The following FIP1L1 variants were observed in gnomAD, a reference collection of about 807,000 sequenced individuals.
FIP1L1 encodes the protein pre-mRNA 3'-end-processing factor FIP1.
FIP1L1 carries 21 observed loss-of-function variants against 84.6 expected under a neutral mutation model. That is an observed-to-expected ratio of 0.25 (90% CI 0.18 to 0.36). The LOEUF is 0.36. Ranked by LOEUF, FIP1L1 falls within the 10% of genes least tolerant of loss-of-function variation. The pLI is 1.00. For missense variants in FIP1L1, 526 were observed against 751.1 expected, an observed-to-expected ratio of 0.70 and a Z score of 3.50; for synonymous variants, 263 against 242.3, an observed-to-expected ratio of 1.09 and a Z score of -0.80.
intron 16 of FIP1L1, 106 bp downstream of exon 16, chr4:53,453,239 A>C: frequency 1.0e-5 from 13 of 1,303,080 alleles, no homozygotes; most frequent in South Asian, 1.3e-5. Context: ...AGAGATGCTC[A>C]GGGAGTACAT....
intron 15 of FIP1L1, 70 bp downstream of exon 15, chr4:53,444,173 TA>T (rs59279367): frequency 0.6 from 607,918 of 1,008,262 alleles, 190,565 homozygotes; most frequent in Non-Finnish European, 0.65. Flanking sequence ...TTTAAAGCAA[TA>T]AAAACGTGTT....
intron 10 of FIP1L1, among the ~76,000 whole-genome samples, chr4:53,404,178 A>T (rs1346238573): frequency 2.0e-5 from 2 of 98,420 alleles, no homozygotes; most frequent in African/African-American, 4.1e-5. Flanking sequence ...ACCCCACAAC[A>T]GTCCCCAGAG....
At chr4:53,427,011 C>G (rs937960615) in intron 12 of FIP1L1, among the ~76,000 whole-genome samples, 1 of 152,198 alleles carries the variant, frequency 6.6e-6, no homozygotes, top group African/African-American at 2.4e-5. Flanking sequence ...ATAAGTTGAT[C>G]ATGTAAAATA....
intron 8 of FIP1L1, 136 bp from the exon 9 acceptor site, chr4:53,391,294 T>G (rs1483618438): frequency 1.7e-6 from 2 of 1,174,042 alleles, no homozygotes; most frequent in Admixed American, 2.2e-5. Flanking sequence ...TCCCTCCCTT[T>G]TAGAGTTTCG....
At position 53,458,854 on chromosome 4, in the gene FIP1L1, G is replaced by A. The variant is rs576560304; in HGVS notation, c.1637+64G>A. ...AGAGATTTTGACTTACTACATTGTC[G>A]CATTGGAAGAGGGGAAATTTTGGCC... On this transcript the variant is annotated intron_variant, in intron 17 of 17. Transcript: ENST00000337488. The A allele has an allele frequency of 4.3e-5, 66 of 1,531,902 alleles. No individual in the cohort carries two copies. The African/African-American group carries it at 7.0e-4, about 16-fold the overall frequency. 94.9% of individuals were successfully genotyped at this position (1,531,902 alleles called of 1,614,324 possible).
intron 13 of FIP1L1, among the ~76,000 whole-genome samples, chr4:53,438,524 A>T (rs1770485033): frequency 1.3e-5 from 2 of 152,228 alleles, no homozygotes; most frequent in South Asian, 2.1e-4. Context: ...ATAACATCTT[A>T]GATGAAATGG....
In FIP1L1 at chr4:53,444,048, TG is replaced by T. The variant is rs1332850238; in HGVS notation, c.1232del (p.Gly411AspfsTer211). The T allele has an allele frequency of 6.2e-7, 1 of 1,602,552 alleles. No homozygotes were observed. ...AAAAATATATCTTTTTCTTCAACAG[TG>T]GACATTCCTCTGGTTATGATAGTCG... ...PPSLIPTIES[G>X]HSSGYDSRSA... On this transcript the variant is annotated frameshift_variant and splice_region_variant, in exon 15 of 18. Coordinates refer to ENST00000337488, the MANE Select transcript of FIP1L1 (RefSeq NM_030917.4). LOFTEE classifies it high-confidence loss of function.
chr4:53,391,335 C>A, intron 8 of FIP1L1, 95 bp from the exon 9 acceptor site: 2 of 1,226,120 alleles, frequency 1.6e-6, no homozygotes, highest in Non-Finnish European at 2.4e-6. Flanking sequence ...TTCTTACTTT[C>A]AAATCACAGA....
At position 53,458,781 on chromosome 4, in the gene FIP1L1, C is replaced by T; in HGVS notation, c.1628C>T (p.Ser543Phe). Residue 543 changes from serine (S) to phenylalanine (F), a missense_variant, in exon 17 of 18, where the codon TCT (serine) becomes TTT (phenylalanine). Around this residue, in one of 6 missense-constraint regions of FIP1L1, gnomAD observed 89 missense variants for 169.0 expected, o/e 0.53. Coordinates refer to ENST00000337488, the MANE Select transcript of FIP1L1 (RefSeq NM_030917.4). ...GAGAAAGAGGAAACCAGACATAAGTCTTCTCGAAGGTTTGCTCTTTAATAA... is the reference window on the plus strand; with the variant it reads ...GAGAAAGAGGAAACCAGACATAAGTTTTCTCGAAGGTTTGCTCTTTAATAA... ...HREKEETRHK[S>F]SRSNSRRRHE... 1 of 1,611,370 alleles carries T rather than the reference C, an allele frequency of 6.2e-7. No homozygotes were observed. The highest frequency in any genetic ancestry group is 8.5e-7 in the Non-Finnish European group (1 of 1,178,658).
intron 12 of FIP1L1, among the ~76,000 whole-genome samples, chr4:53,427,521 T>TG (rs1381213613): frequency 1.3e-5 from 2 of 152,208 alleles, no homozygotes; most frequent in Non-Finnish European, 2.9e-5. Context: ...GCCTATTGCT[T>TG]GCAGTCTGTT....
chr4:53,377,934 TC>T lies in FIP1L1; in HGVS notation c.85+13del, dbSNP rs758029289. The T allele has an allele frequency of 1.6e-5, 26 of 1,577,258 alleles. No individual in the cohort carries two copies. In the African/African-American group the frequency reaches 3.3e-4, roughly 20 times the overall value. On this transcript the variant is annotated intron_variant, in intron 1 of 17. Coordinates refer to ENST00000337488, the MANE Select transcript of FIP1L1 (RefSeq NM_030917.4). Reference sequence around the variant, plus strand: ...AGTGGCTCTATGGCGGTACGAAACTTCCTGTCTCTGTCTCTCGGGTTCTCTC... The same window carrying T: ...AGTGGCTCTATGGCGGTACGAAACTTCTGTCTCTGTCTCTCGGGTTCTCTC...
At chr4:53,423,205 G>A (rs1469561057) in intron 11 of FIP1L1, among the ~76,000 whole-genome samples, 1 of 152,124 alleles carries the variant, frequency 6.6e-6, no homozygotes, top group African/African-American at 2.4e-5. Flanking sequence ...GGAGGTAGAG[G>A]CTCTTGGGAA....
intron 9 of FIP1L1, among the ~76,000 whole-genome samples, chr4:53,395,431 C>T (rs927788247): frequency 2.6e-5 from 4 of 152,120 alleles, no homozygotes; most frequent in African/African-American, 4.8e-5. Flanking sequence ...TCCTCCTTCC[C>T]GGTTTTTAAT....
intron 13 of FIP1L1, 90 bp downstream of exon 13, chr4:53,428,273 C>A: frequency 2.4e-6 from 3 of 1,267,970 alleles, no homozygotes; most frequent in South Asian, 3.8e-5. Flanking sequence ...ATATCTTGAT[C>A]ACATTTCATT....
At chr4:53,410,377 C>T (rs184903546) in intron 10 of FIP1L1, among the ~76,000 whole-genome samples, 15 of 152,292 alleles carry the variant, frequency 9.8e-5, no homozygotes, top group African/African-American at 3.6e-4. Flanking sequence ...GGATCAACTT[C>T]GATGATTGCT....
intron 10 of FIP1L1, among the ~76,000 whole-genome samples, chr4:53,409,330 G>A (rs1047915194): frequency 6.6e-6 from 1 of 152,202 alleles, no homozygotes; most frequent in African/African-American, 2.4e-5. Context: ...AACCGCGAAT[G>A]CTGCTGTCTG....
intron 15 of FIP1L1, among the ~76,000 whole-genome samples, chr4:53,446,590 T>C (rs1774286562): frequency 6.6e-6 from 1 of 152,172 alleles, no homozygotes. Context: ...AAAATAAATT[T>C]TGACTATTAA....
chr4:53,460,403 T>TA lies in FIP1L1; in HGVS notation c.*955dup. On this transcript the variant is annotated 3_prime_UTR_variant, in exon 18 of 18. Coordinates refer to ENST00000337488, the MANE Select transcript of FIP1L1 (RefSeq NM_030917.4). Reference sequence around the variant, plus strand: ...GAATAAATTACTAGGATCTTTTAAATAGTGATAATACAAAAGTAATCTTAA... The same window carrying TA: ...GAATAAATTACTAGGATCTTTTAAATAAGTGATAATACAAAAGTAATCTTAA... 1 of 189,082 alleles carries TA rather than the reference T, an allele frequency of 5.3e-6. No individual in the cohort carries two copies. The highest frequency in any genetic ancestry group is 1.9e-4 in the South Asian group (1 of 5,142). The allele number at this position is 189,082 out of a possible 1,614,324, so 11.7% of individuals were successfully genotyped here. A position where few individuals can be genotyped will look rare whatever the true frequency, so the allele number is the denominator to read the frequency against.
chr4:53,457,547 T>A (rs1388925739), intron 16 of FIP1L1, among the ~76,000 whole-genome samples: 1 of 152,132 alleles, frequency 6.6e-6, no homozygotes, highest in Non-Finnish European at 1.5e-5. Context: ...TTACTTTTGC[T>A]AGAACACAGG....
Sources: gnomAD v4.1 joint callset for allele counts (sites outside exome capture counted in the v4.1 genomes callset) on GRCh38, gnomAD v4.1.1 for gene constraint, gnomAD v4.1.1 regional missense constraint, MANE v1.5 for transcripts, NCBI Gene and HGNC (gene_info 2026-07-23, HGNC 2026-07-21) for gene names.